IPO11: variants seen among roughly 807,000 people sequenced by gnomAD.
The protein encoded by IPO11 is importin-11.
Under a neutral mutation model 143.2 loss-of-function variants are expected in IPO11, and 66 were observed. The ratio of observed to expected loss-of-function variants is 0.46; its 90% confidence interval spans 0.38 to 0.57. The LOEUF (loss-of-function observed/expected upper bound fraction) is 0.57, where lower values mean the gene tolerates loss of function less well. IPO11 is among the 20% of genes least tolerant of loss of function. The probability of loss-of-function intolerance (pLI) is 0.00; values close to 1 mark genes in which losing one functional copy is unlikely to be tolerated. For synonymous variants in IPO11, 385 were observed against 377.8 expected, an observed-to-expected ratio of 1.02 and a Z score of -0.22; for missense variants, 1,026 against 1,141.0, an observed-to-expected ratio of 0.90 and a Z score of 1.45.
intron 27 of IPO11, among the ~76,000 whole-genome samples, chr5:62,577,142 G>T (rs1235347772): frequency 1.3e-5 from 2 of 152,164 alleles, no homozygotes; most frequent in Non-Finnish European, 2.9e-5. Flanking sequence ...ACTCCTAAAT[G>T]AACAGAAAGA....
At chr5:62,549,341 G>T (rs894347873) in intron 24 of IPO11, among the ~76,000 whole-genome samples, 1 of 152,064 alleles carries the variant, frequency 6.6e-6, no homozygotes, top group Admixed American at 6.6e-5. Flanking sequence ...GATGCTATCT[G>T]CTTACCTTGG....
At chr5:62,449,829 G>A (rs1020383800) in intron 3 of IPO11, 98 bp from the exon 4 acceptor site, 6 of 714,526 alleles carry the variant, frequency 8.4e-6, no homozygotes, top group Non-Finnish European at 1.4e-5. Flanking sequence ...AGAGACACAT[G>A]TTTGAAAGGC....
intron 26 of IPO11, among the ~76,000 whole-genome samples, chr5:62,556,304 G>A (rs1052926903): frequency 2.0e-5 from 3 of 152,132 alleles, no homozygotes; most frequent in Admixed American, 6.5e-5. Flanking sequence ...CAGTCTGGGT[G>A]ATAGAGTGAG....
chr5:62,601,541 A>T (rs1046665168), intron 28 of IPO11, among the ~76,000 whole-genome samples: 1 of 152,196 alleles, frequency 6.6e-6, no homozygotes, highest in Non-Finnish European at 1.5e-5. Context: ...ATGCCCAAGT[A>T]AAATGCTCTA....
intron 5 of IPO11, among the ~76,000 whole-genome samples, chr5:62,462,738 T>C (rs936157252): frequency 6.6e-6 from 1 of 152,064 alleles, no homozygotes; most frequent in African/African-American, 2.4e-5. Flanking sequence ...TTTCAAAATA[T>C]GTGGTTATGT....
intron 9 of IPO11, among the ~76,000 whole-genome samples, chr5:62,480,054 A>T (rs565404270): frequency 5.3e-4 from 81 of 152,180 alleles, no homozygotes; most frequent in Non-Finnish European, 1.1e-3. Flanking sequence ...GTTTTCTTCT[A>T]GGGTTTTTAT....
At chr5:62,456,346 C>T (rs1470950077) in intron 5 of IPO11, among the ~76,000 whole-genome samples, 1 of 152,058 alleles carries the variant, frequency 6.6e-6, no homozygotes, top group Non-Finnish European at 1.5e-5. Flanking sequence ...ACATATAAAC[C>T]TAAATATAAT....
At chr5:62,483,615 A>G (rs562058801) in intron 10 of IPO11, among the ~76,000 whole-genome samples, 3 of 152,312 alleles carry the variant, frequency 2.0e-5, no homozygotes, top group South Asian at 2.1e-4. Flanking sequence ...CTGACTTTAT[A>G]TAAAGTGTGA....
At chr5:62,428,533 G>A (rs754680488) in intron 1 of IPO11, among the ~76,000 whole-genome samples, 3 of 151,798 alleles carry the variant, frequency 2.0e-5, no homozygotes, top group Non-Finnish European at 2.9e-5. Context: ...TAGTAGAGAC[G>A]GAGTTTCACC....
At chr5:62,504,729 C>A (rs1741485220) in intron 17 of IPO11, 29 bp downstream of exon 17, 3 of 1,449,458 alleles carry the variant, frequency 2.1e-6, no homozygotes, top group South Asian at 1.3e-5. Flanking sequence ...AAAAATACTT[C>A]ATTGCAAAGA....
chr5:62,624,706 C>T (rs1470768623), intron 29 of IPO11, among the ~76,000 whole-genome samples: 3 of 151,920 alleles, frequency 2.0e-5, no homozygotes, highest in Non-Finnish European at 2.9e-5. Context: ...AGTTGCAGGC[C>T]GGGCACGGTG....
intron 19 of IPO11, among the ~76,000 whole-genome samples, chr5:62,513,060 C>G (rs1242786692): frequency 1.3e-5 from 2 of 150,268 alleles, no homozygotes; most frequent in African/African-American, 4.9e-5. Flanking sequence ...TCCAGAAAAC[C>G]GCCATCGTCA....
intron 27 of IPO11, among the ~76,000 whole-genome samples, chr5:62,565,214 G>C (rs894553458): frequency 2.0e-5 from 3 of 152,200 alleles, no homozygotes; most frequent in Non-Finnish European, 4.4e-5. Context: ...GCCAGGCACA[G>C]TGGGCTCACA....
rs1006816428 is a variant in IPO11, at chr5:62,609,362, A to G, written c.2763+7514A>G. On this transcript the variant is annotated intron_variant, in intron 29 of 29. Coordinates refer to ENST00000325324, the MANE Select transcript of IPO11 (RefSeq NM_016338.5). ...GACTTCAGGCTATAGCATCACCAGC[A>G]CAAAAAGAAACAGCCTTCCATGGAC... 4.6e-5 allele frequency among the ~76,000 whole-genome samples: 7 copies of G among 152,218 alleles called. No homozygotes were observed. The East Asian group carries it at 5.8e-4, about 13-fold the overall frequency.
chr5:62,443,885 T>C (rs909036008), intron 3 of IPO11, among the ~76,000 whole-genome samples: 1 of 152,168 alleles, frequency 6.6e-6, no homozygotes, highest in African/African-American at 2.4e-5. Flanking sequence ...AATATGGTAG[T>C]GAATTTTGCT....
At chr5:62,570,133 A>T (rs1744087202) in intron 27 of IPO11, among the ~76,000 whole-genome samples, 1 of 151,880 alleles carries the variant, frequency 6.6e-6, no homozygotes, top group Admixed American at 6.6e-5. Flanking sequence ...ACGTGTTAGA[A>T]CAGTACAATT....
intron 1 of IPO11, among the ~76,000 whole-genome samples, chr5:62,424,288 C>T (rs59475513): frequency 0.031 from 4,736 of 151,784 alleles, 235 homozygotes; most frequent in African/African-American, 0.11. Flanking sequence ...TACAGGTGCC[C>T]GCCACCACGC....
At chr5:62,480,689 T>C (rs1379324366) in intron 9 of IPO11, among the ~76,000 whole-genome samples, 3 of 152,260 alleles carry the variant, frequency 2.0e-5, no homozygotes, top group East Asian at 1.9e-4. Context: ...TATTTTATTC[T>C]CTTTGTAGCA....
At chr5:62,599,630 A>G (rs1194147955) in intron 28 of IPO11, among the ~76,000 whole-genome samples, 1 of 152,216 alleles carries the variant, frequency 6.6e-6, no homozygotes, top group East Asian at 1.9e-4. Flanking sequence ...TTTCTTCTTG[A>G]GAAAGATTCT....
Sources: allele counts gnomAD v4.1 joint callset (sites outside exome capture counted in the v4.1 genomes callset), GRCh38; gene constraint gnomAD v4.1.1; transcripts MANE v1.5; gene names NCBI Gene and HGNC (gene_info 2026-07-23, HGNC 2026-07-21).